Variants in MGST1 observed in about 807,000 individuals in gnomAD.
The protein encoded by MGST1 is microsomal glutathione S-transferase 1, also known as glutathione S-transferase 12.
A neutral mutation model predicts 8.9 loss-of-function variants in MGST1; 5 were observed. That is an observed-to-expected ratio of 0.56 (90% CI 0.29 to 1.19). The LOEUF (loss-of-function observed/expected upper bound fraction) is 1.19, where lower values mean the gene tolerates loss of function less well. Ranked by LOEUF, MGST1 falls within the 50% of genes most tolerant of loss-of-function variation. The pLI, the probability that MGST1 is intolerant of heterozygous loss-of-function variation, is 0.08. For missense variants in MGST1, 182 were observed against 187.4 expected (o/e 0.97, Z 0.17); for synonymous variants, 54 against 67.8 (o/e 0.80, Z 1.00).
At position 16,548,507 on chromosome 12, in the gene MGST1, G is replaced by A. The variant is rs1275591265; in HGVS notation, n.483-41021G>A. On this transcript the variant is annotated intron_variant and non_coding_transcript_variant, in intron 4 of 4. Coordinates refer to the MGST1 transcript ENST00000538857. The surrounding 1 kb of genome is among the most constrained non-coding windows in gnomAD (Gnocchi z 4.2). ...CAACTTTTAAACTCAGCACTCTGTT[G>A]GAGTGGAGGTGCACGGTCCTTCATC... is the stretch of plus-strand genomic sequence containing the variant. 6.6e-6 allele frequency: 1 copy of A among 152,154 alleles called. No homozygotes were observed. Among genetic ancestry groups the A allele is most frequent in the African/African-American group, 2.4e-5 (1 of 41,434 alleles). 9.4% of individuals were successfully genotyped at this position (152,154 alleles called of 1,614,324 possible). A position where few individuals can be genotyped will look rare whatever the true frequency, so the allele number is the denominator to read the frequency against.
At chr12:16,368,022 G>A (rs939358670), downstream of MGST1, among the ~76,000 whole-genome samples, 2 of 147,896 alleles carry the variant, frequency 1.4e-5, no homozygotes, top group Non-Finnish European at 1.5e-5. Context: ...GAAGTGACTT[G>A]GCATGTCTAT....
chr12:16,370,787 G>GTGACTCTAAAAATTCTA (rs1940279081), intron 3 of MGST1, among the ~76,000 whole-genome samples: 1 of 152,050 alleles, frequency 6.6e-6, no homozygotes, highest in Non-Finnish European at 1.5e-5. Flanking sequence ...GAAATATTCT[G>GTGACTCTAAAAATTCTA]TGACTCTAAA....
At position 16,482,883 on chromosome 12, in the gene MGST1, C is replaced by T. The variant is rs1257277443; in HGVS notation, n.482+99279C>T. 6.6e-6 allele frequency among the ~76,000 whole-genome samples: 1 copy of T among 152,152 alleles called. No individual in the cohort carries two copies. The highest frequency in any genetic ancestry group is 6.5e-5 in the Admixed American group (1 of 15,272). On this transcript the variant is annotated intron_variant and non_coding_transcript_variant, in intron 4 of 4. Coordinates refer to the MGST1 transcript ENST00000538857. This position sits in a 1 kb window ranked among gnomAD's most constrained non-coding sequence, Gnocchi z 4.2. ...AGAGTAGTTTCAAGGTCTTGAACCA[C>T]CAGTGCAGCTCCTTTATTGCAACTT... is the stretch of plus-strand genomic sequence containing the variant.
rs1291734480 is a variant in MGST1 at position 16,559,654 on chromosome 12, G to GT, written n.483-29873dup. ...ATATAGGACAGGGTTAAAATTTAAG[G>GT]TAAACAGCTAGATTGGGTGGGGGTG... is the stretch of plus-strand genomic sequence containing the variant. On this transcript the variant is annotated intron_variant and non_coding_transcript_variant, in intron 4 of 4. Coordinates refer to the MGST1 transcript ENST00000538857. This position sits in a 1 kb window ranked among gnomAD's most constrained non-coding sequence, Gnocchi z 4.1. Among the ~76,000 whole-genome samples the GT allele has an allele frequency of 6.6e-6, 1 of 151,964 alleles. No homozygotes were observed. The highest frequency in any genetic ancestry group is 2.4e-5 in the African/African-American group (1 of 41,390).
At chr12:16,439,901 A>G (rs776936263), downstream of MGST1, among the ~76,000 whole-genome samples, 10 of 151,484 alleles carry the variant, frequency 6.6e-5, no homozygotes. Context: ...CCTCTCCAGC[A>G]CTCTCCTGTT....
At chr12:16,400,544 G>A (rs1377918087) in intron 1 of MGST1, 19 of 872,064 alleles carry the variant, frequency 2.2e-5, no homozygotes, top group Admixed American at 6.9e-5. Flanking sequence ...TAACGTTTCT[G>A]TACTTCTTTA....
chr12:16,418,108 G>A lies in MGST1; in HGVS notation n.779-19280G>A, dbSNP rs969365588. 1.2e-4 allele frequency among the ~76,000 whole-genome samples: 19 copies of A among 152,102 alleles called. 1 individual carries two copies. Among genetic ancestry groups the A allele is most frequent in the African/African-American group, 3.6e-4 (15 of 41,424 alleles). On this transcript the variant is annotated intron_variant and non_coding_transcript_variant, in intron 1 of 1. Transcript: ENST00000359720. ...TAAAGGAGTCAAAGCAGGGCAAAGG[G>A]AACTCACAATTACTGAGTATCATCC...
intron 4 of MGST1, among the ~76,000 whole-genome samples, chr12:16,485,582 A>G (rs1941394705): frequency 6.6e-6 from 1 of 152,234 alleles, no homozygotes; most frequent in South Asian, 2.1e-4. Context: ...TTCAAATATT[A>G]TCTTTTACCG....
At chr12:16,499,423 G>C (rs1354569280) in intron 4 of MGST1, among the ~76,000 whole-genome samples, 2 of 152,170 alleles carry the variant, frequency 1.3e-5, no homozygotes, top group Non-Finnish European at 2.9e-5. Flanking sequence ...GGGAGCTTCA[G>C]TTGCATCTGT....
At chr12:16,377,089 G>T (rs1055451096) in exon 4 of MGST1, 5 of 151,846 alleles carry the variant, frequency 3.3e-5, no homozygotes, top group Non-Finnish European at 7.4e-5. Flanking sequence ...TTTTTTTAAT[G>T]ATGTGTGCTT....
intron 1 of MGST1, among the ~76,000 whole-genome samples, chr12:16,398,924 G>A (rs540159699): frequency 1.3e-5 from 2 of 152,342 alleles, no homozygotes; most frequent in East Asian, 3.9e-4. Flanking sequence ...TTGTACCACT[G>A]TCTTGGAAAT....
chr12:16,504,667 G>A (rs1488496032), intron 4 of MGST1, among the ~76,000 whole-genome samples: 1 of 152,144 alleles, frequency 6.6e-6, no homozygotes, highest in Non-Finnish European at 1.5e-5. Flanking sequence ...AATAGGTAGG[G>A]AAATTTAAAG....
intron 4 of MGST1, among the ~76,000 whole-genome samples, chr12:16,471,549 G>T (rs867065149): frequency 2.0e-5 from 3 of 152,204 alleles, no homozygotes; most frequent in Middle Eastern, 6.8e-3. Context: ...TTAAATATGA[G>T]AAAGATATGG....
chr12:16,555,300 T>TG lies in MGST1; in HGVS notation n.483-34227dup, dbSNP rs1942153926. ...TCCCATTGCCTCCATCAACATCTTC[T>TG]GACCATGTAAATTTGCTTATTCTGA... On this transcript the variant is annotated intron_variant and non_coding_transcript_variant, in intron 4 of 4. Coordinates refer to the MGST1 transcript ENST00000538857. The surrounding 1 kb of genome is among the most constrained non-coding windows in gnomAD (Gnocchi z 5.5). Among the ~76,000 whole-genome samples the TG allele has an allele frequency of 6.6e-6, 1 of 152,242 alleles. No homozygotes were observed. Among genetic ancestry groups the TG allele is most frequent in the African/African-American group, 2.4e-5 (1 of 41,468 alleles).
At chr12:16,478,145 T>A (rs1461119965) in intron 4 of MGST1, among the ~76,000 whole-genome samples, 2 of 152,210 alleles carry the variant, frequency 1.3e-5, no homozygotes, top group Admixed American at 1.3e-4. Flanking sequence ...TTCTTCTGCC[T>A]CAGCCTCTCG....
intron 1 of MGST1, among the ~76,000 whole-genome samples, chr12:16,383,975 AGAG>A (rs1263442479): frequency 6.6e-6 from 1 of 152,192 alleles, no homozygotes; most frequent in Non-Finnish European, 1.5e-5. Flanking sequence ...ACCAAAGGGA[AGAG>A]GAGAGGAGGC....
At chr12:16,541,752 G>T (rs1453568517) in intron 4 of MGST1, among the ~76,000 whole-genome samples, 6 of 151,916 alleles carry the variant, frequency 3.9e-5, no homozygotes, top group Admixed American at 3.9e-4. Context: ...TCATACTTCG[G>T]GCTTTTATAA....
chr12:16,385,861 G>A (rs757102363), intron 1 of MGST1, among the ~76,000 whole-genome samples: 18 of 152,146 alleles, frequency 1.2e-4, no homozygotes, highest in Middle Eastern at 3.4e-3. Context: ...GGAGTTTTGC[G>A]TCTTTTCTAC....
At chr12:16,408,210 G>T (rs971490412) in intron 1 of MGST1, among the ~76,000 whole-genome samples, 4 of 151,896 alleles carry the variant, frequency 2.6e-5, no homozygotes, top group African/African-American at 4.8e-5. Flanking sequence ...AAATACTGGG[G>T]CTACTTGAGG....
Sources: gnomAD v4.1 joint callset for allele counts (sites outside exome capture counted in the v4.1 genomes callset) on GRCh38, gnomAD v4.1.1 for gene constraint, Gnocchi (gnomAD v3.1) non-coding constraint, MANE v1.5 for transcripts, NCBI Gene and HGNC (gene_info 2026-07-23, HGNC 2026-07-21) for gene names.